Variants in PLRG1 observed in about 807,000 individuals in gnomAD.
PLRG1 encodes pleiotropic regulator 1 (PRL1 homolog, Arabidopsis).
A neutral mutation model predicts 74.9 loss-of-function variants in PLRG1; 28 were observed. The ratio of observed to expected loss-of-function variants is 0.37; its 90% CI spans 0.28 to 0.51. PLRG1 has a LOEUF of 0.51. Ranked by LOEUF, PLRG1 falls within the 20% of genes least tolerant of loss-of-function variation. PLRG1 has a pLI of 0.91. For missense variants in PLRG1, 445 were observed against 631.9 expected (o/e 0.70, Z 3.17); for synonymous variants, 197 against 212.4 (o/e 0.93, Z 0.63).
chr4:154,542,487 TA>T (rs1343521180), intron 7 of PLRG1, among the ~76,000 whole-genome samples: 1 of 152,184 alleles, frequency 6.6e-6, no homozygotes, highest in Non-Finnish European at 1.5e-5. Context: ...TACTCAGTAA[TA>T]AAAAGGAATA....
At chr4:154,537,869 AT>A (rs772761586) in intron 13 of PLRG1, 99 bp downstream of exon 13, 47 of 678,716 alleles carry the variant, frequency 6.9e-5, no homozygotes, top group Non-Finnish European at 1.0e-4. Flanking sequence ...TGCTGCTATA[AT>A]ACTTAAGTGT....
chr4:154,547,677 A>G (rs377209435), intron 3 of PLRG1, 34 bp downstream of exon 3: 6 of 1,587,810 alleles, frequency 3.8e-6, no homozygotes, highest in South Asian at 2.2e-5. Flanking sequence ...AAATTCACAT[A>G]TAAGTCTGAC....
intron 2 of PLRG1, 146 bp from the exon 3 acceptor site, chr4:154,547,999 C>A (rs533050387): frequency 1.7e-6 from 1 of 586,726 alleles, no homozygotes; most frequent in African/African-American, 1.9e-5. Flanking sequence ...AGGGCATTTC[C>A]CCACCATATC....
chr4:154,550,316 C>T lies in PLRG1; in HGVS notation c.-8G>A. ...TCACTTTACCTCGACCATGATGCTACCGTGTATCCCACCTCCGGCAGGGAA... is the reference window on the plus strand; with the variant it reads ...TCACTTTACCTCGACCATGATGCTATCGTGTATCCCACCTCCGGCAGGGAA... On this transcript the variant is annotated 5_prime_UTR_variant, in exon 1 of 15. Coordinates refer to ENST00000499023, the MANE Select transcript of PLRG1 (RefSeq NM_002669.4). 6.2e-7 allele frequency: 1 copy of T among 1,612,992 alleles called. No homozygotes were observed. Among genetic ancestry groups the T allele is most frequent in the African/African-American group, 1.3e-5 (1 of 75,030 alleles).
chr4:154,547,607 C>G (rs942730978), intron 3 of PLRG1, 104 bp downstream of exon 3: 2 of 999,486 alleles, frequency 2.0e-6, no homozygotes, highest in African/African-American at 3.2e-5. Flanking sequence ...AAATACTGTA[C>G]GACCACAATA....
In PLRG1 at chr4:154,536,520, G is replaced by A. The variant is rs1359347982; in HGVS notation, c.*165C>T. The A allele has an allele frequency of 4.9e-6, 3 of 611,784 alleles. No homozygotes were observed. In the Admixed American group the frequency reaches 9.3e-5, roughly 19 times the overall value. 37.9% of individuals were successfully genotyped at this position (611,784 alleles called of 1,614,324 possible). A position where few individuals can be genotyped will look rare whatever the true frequency, so the allele number is the denominator to read the frequency against. ...ATAAAAACACAGGGGTAGGGGACAGGGGACAGTTTATTGTAAAATATGAAG... is the reference window on the plus strand; with the variant it reads ...ATAAAAACACAGGGGTAGGGGACAGAGGACAGTTTATTGTAAAATATGAAG... On this transcript the variant is annotated 3_prime_UTR_variant, in exon 15 of 15. Transcript: ENST00000499023.
intron 14 of PLRG1, 59 bp downstream of exon 14, chr4:154,537,227 A>G (rs1184245673): frequency 5.7e-6 from 6 of 1,060,512 alleles, no homozygotes; most frequent in Non-Finnish European, 8.4e-6. Context: ...ATTAAATGAG[A>G]ATATGCTGCC....
intron 2 of PLRG1, 77 bp downstream of exon 2, chr4:154,548,752 C>T (rs1192224097): frequency 1.4e-5 from 10 of 737,344 alleles, no homozygotes; most frequent in South Asian, 6.4e-5. Context: ...CTTTAAAGGA[C>T]TCCCTCTCCC....
Position 154,537,331 on chromosome 4 carries a change from A to C in PLRG1, c.1440T>G (p.Ala480=), listed in dbSNP as rs749350155. Residue 480 remains alanine (A), a synonymous_variant, in exon 14 of 15, where the codon GCT becomes GCG. Coordinates refer to ENST00000499023, the MANE Select transcript of PLRG1 (RefSeq NM_002669.4). The stretch of plus-strand genomic sequence containing the variant: ...ATACTTTAATGGTTTTATCAGCTTC[A>C]GCTGTTAGTAATCGACTTTCAGACT... ...FDQSESRLLT[A]EADKTIKVYR... 11 of 1,613,028 alleles carry C rather than the reference A, an allele frequency of 6.8e-6. No individual in the cohort carries two copies. The East Asian group carries it at 2.2e-4, about 33-fold the overall frequency.
At chr4:154,539,309 T>A in intron 11 of PLRG1, 96 bp from the exon 12 acceptor site, 1 of 760,576 alleles carries the variant, frequency 1.3e-6, no homozygotes. Flanking sequence ...AACACATATG[T>A]TCTAAATGAA....
In PLRG1 at chr4:154,540,711, GA is replaced by G. The variant is rs1729541446; in HGVS notation, c.838-17del. On this transcript the variant is annotated splice_polypyrimidine_tract_variant and intron_variant, in intron 9 of 14. Transcript: ENST00000499023. ...GCCGTATAACCTAAAGACAAAGCAG[GA>G]AAGTTAAAACTTCTAGAATTAGAAA... 10 of 1,610,712 alleles carry G rather than the reference GA, an allele frequency of 6.2e-6. No homozygotes were observed. Among genetic ancestry groups the G allele is most frequent in the East Asian group, 2.2e-5 (1 of 44,864 alleles).
intron 11 of PLRG1, among the ~76,000 whole-genome samples, chr4:154,539,425 T>C (rs1729513627): frequency 6.6e-6 from 1 of 152,130 alleles, no homozygotes; most frequent in South Asian, 2.1e-4. Flanking sequence ...TGATTCACTG[T>C]CAATTGAACA....
chr4:154,547,757 C>G lies in PLRG1; in HGVS notation c.213G>C (p.Gln71His). 1 of 1,613,074 alleles carries G rather than the reference C, an allele frequency of 6.2e-7. No individual in the cohort carries two copies. The highest frequency in any genetic ancestry group is 2.2e-5 in the East Asian group (1 of 44,848). Residue 71 changes from glutamine to histidine, a missense_variant, in exon 3 of 15, where the codon CAG becomes CAC. Around this residue, in one of 3 missense-constraint regions of PLRG1, gnomAD observed 206 missense variants for 210.8 expected, o/e 0.98. Transcript: ENST00000499023. ...TATGAACATATGAATCCGTTGCATT[C>G]TGAGGACCCTTCTCTTTAAGATTTT... The part of the protein sequence containing the change: ...SKENLKEKGP[Q>H]NATDSYVHKQ...
chr4:154,539,339 T>A (rs1729511823), intron 11 of PLRG1, 126 bp from the exon 12 acceptor site: 1 of 622,652 alleles, frequency 1.6e-6, no homozygotes. Context: ...ACACGCAAAT[T>A]AGTCTTGGCT....
intron 11 of PLRG1, among the ~76,000 whole-genome samples, chr4:154,539,700 AAC>A (rs1560806383): frequency 6.6e-6 from 1 of 152,236 alleles, no homozygotes; most frequent in African/African-American, 2.4e-5. Flanking sequence ...AATTGTTCAT[AAC>A]ACAGTATTCT....
rs149857664 is a variant in PLRG1, at chr4:154,535,548, T to C, written c.*1137A>G. ...AATTGGAAGTGCTTGTTCAAAATCATGGTGCAATTTTTTAATTTGGAAAAT... is the reference window on the plus strand; with the variant it reads ...AATTGGAAGTGCTTGTTCAAAATCACGGTGCAATTTTTTAATTTGGAAAAT... On this transcript the variant is annotated 3_prime_UTR_variant, in exon 15 of 15. Coordinates refer to ENST00000499023, the MANE Select transcript of PLRG1 (RefSeq NM_002669.4). 5.9e-5 allele frequency: 9 copies of C among 151,300 alleles called. No individual in the cohort carries two copies. In the Admixed American group the frequency reaches 6.0e-4, roughly 10 times the overall value. The allele number at this position is 151,300 out of a possible 1,614,324, so 9.4% of individuals were successfully genotyped here. A position where few individuals can be genotyped will look rare whatever the true frequency, so the allele number is the denominator to read the frequency against.
At chr4:154,540,087 A>C in intron 10 of PLRG1, 34 bp from the exon 11 acceptor site, 1 of 1,095,394 alleles carries the variant, frequency 9.1e-7, no homozygotes, top group Non-Finnish European at 1.4e-6. Context: ...TAGGAAAGAG[A>C]ATAGGTATTC....
At chr4:154,537,719 T>C (rs1729476417) in intron 13 of PLRG1, among the ~76,000 whole-genome samples, 1 of 152,030 alleles carries the variant, frequency 6.6e-6, no homozygotes, top group South Asian at 2.1e-4. Flanking sequence ...ATAAACAAAA[T>C]TTTAAGCAAT....
Position 154,535,135 on chromosome 4 carries a change from A to C in PLRG1, c.*1550T>G, listed in dbSNP as rs1217592379. 1 of 152,104 alleles carries C rather than the reference A, an allele frequency of 6.6e-6. No individual in the cohort carries two copies. The highest frequency in any genetic ancestry group is 1.5e-5 in the Non-Finnish European group (1 of 68,000). 9.4% of individuals were successfully genotyped at this position (152,104 alleles called of 1,614,324 possible). A position where few individuals can be genotyped will look rare whatever the true frequency, so the allele number is the denominator to read the frequency against. On this transcript the variant is annotated 3_prime_UTR_variant, in exon 15 of 15. Transcript: ENST00000499023. ...GCTTCCTAACAAAGCCACTGTTAGT[A>C]ATGTGGTGTTACTTATATTTTAGAG...
Sources: allele counts gnomAD v4.1 joint callset (sites outside exome capture counted in the v4.1 genomes callset), GRCh38; gene constraint gnomAD v4.1.1; regional missense constraint gnomAD v4.1.1; transcripts MANE v1.5; gene names NCBI Gene and HGNC (gene_info 2026-07-23, HGNC 2026-07-21).